The following LSM6 variants were observed in gnomAD, a reference collection of about 807,000 sequenced individuals.
LSM6 encodes U6 snRNA-associated Sm-like protein LSm6.
Under a neutral mutation model 13.5 loss-of-function variants are expected in LSM6, and 2 were observed. The ratio of observed to expected loss-of-function variants is 0.15; its 90% CI spans 0.06 to 0.47. The LOEUF (loss-of-function observed/expected upper bound fraction) is 0.47, where lower values mean the gene tolerates loss of function less well. LSM6 is among the 20% of genes least tolerant of loss of function. The pLI is 0.97. For missense variants in LSM6, 58 were observed against 96.4 expected (o/e 0.60, Z 1.67); for synonymous variants, 43 against 34.9 (o/e 1.23, Z -0.82).
intron 2 of LSM6, among the ~76,000 whole-genome samples, chr4:146,186,391 C>T (rs919631547): frequency 2.0e-5 from 3 of 151,714 alleles, no homozygotes; most frequent in Non-Finnish European, 4.4e-5. Context: ...ACTATAGACT[C>T]GACTGAATTG....
Position 146,182,932 on chromosome 4 carries a change from G to C in LSM6, c.11G>C (p.Arg4Pro). Residue 4 changes from arginine to proline, a missense_variant, in exon 2 of 4, where the codon CGG becomes CCG. By Grantham distance (103) the Arg-to-Pro change is moderately radical. Transcript: ENST00000296581. MSL[R>P]KQTPSDFLKQ... ...TTTAGGATTGTTAAAATGAGTCTTC[G>C]GAAGCAAACCCCTAGTGACTTCTTA... 1 of 1,610,404 alleles carries C rather than the reference G, an allele frequency of 6.2e-7. No individual in the cohort carries two copies. Among genetic ancestry groups the C allele is most frequent in the Non-Finnish European group, 8.5e-7 (1 of 1,176,860 alleles).
chr4:146,188,270 T>C (rs993951778), intron 3 of LSM6, among the ~76,000 whole-genome samples: 2 of 152,180 alleles, frequency 1.3e-5, no homozygotes, highest in Non-Finnish European at 2.9e-5. Context: ...TTATTTGACC[T>C]CCTCTTTTTC....
chr4:146,185,429 A>G (rs1188218677), intron 2 of LSM6, among the ~76,000 whole-genome samples: 4 of 151,354 alleles, frequency 2.6e-5, no homozygotes, highest in African/African-American at 7.3e-5. Flanking sequence ...TTATACTATT[A>G]GATAGCCTTA....
At chr4:146,182,885 A>G in intron 1 of LSM6, 27 bp from the exon 2 acceptor site, 1 of 1,352,490 alleles carries the variant, frequency 7.4e-7, no homozygotes, top group South Asian at 1.2e-5. Context: ...TTTACCTTTT[A>G]TTGTTCCTTT....
At chr4:146,181,891 T>G (rs1232259859) in intron 1 of LSM6, among the ~76,000 whole-genome samples, 1 of 152,214 alleles carries the variant, frequency 6.6e-6, no homozygotes, top group Non-Finnish European at 1.5e-5. Context: ...AAAGGAGTGA[T>G]GTGCAGCTTT....
At chr4:146,177,765 C>G (rs1402967771) in intron 1 of LSM6, among the ~76,000 whole-genome samples, 2 of 152,066 alleles carry the variant, frequency 1.3e-5, no homozygotes, top group Non-Finnish European at 2.9e-5. Context: ...AGCAACATCC[C>G]TGGTCTCTAC....
intron 1 of LSM6, among the ~76,000 whole-genome samples, chr4:146,180,209 C>G (rs1730202916): frequency 6.6e-6 from 1 of 152,198 alleles, no homozygotes; most frequent in African/African-American, 2.4e-5. Context: ...ATAATTCTAT[C>G]AGAATACACA....
chr4:146,183,831 T>G (rs1175581572), intron 2 of LSM6, among the ~76,000 whole-genome samples: 1 of 151,842 alleles, frequency 6.6e-6, no homozygotes, highest in Non-Finnish European at 1.5e-5. Context: ...TCTGAGATTT[T>G]GGTGCACCCG....
chr4:146,180,439 G>A (rs1414297666), intron 1 of LSM6, among the ~76,000 whole-genome samples: 1 of 152,182 alleles, frequency 6.6e-6, no homozygotes, highest in Non-Finnish European at 1.5e-5. Context: ...TCTTTGGTGA[G>A]CTTAGAAGAA....
chr4:146,189,617 T>C lies in LSM6; in HGVS notation c.209-5T>C. Reference sequence around the variant, plus strand: ...ATTTCAATTTATGTATTTTTTTCTTTTCAGTGTTGTACATCAGTACACAGA... The same window carrying C: ...ATTTCAATTTATGTATTTTTTTCTTCTCAGTGTTGTACATCAGTACACAGA... On this transcript the variant is annotated splice_polypyrimidine_tract_variant and splice_region_variant and intron_variant, in intron 3 of 3. Transcript: ENST00000296581. 6.3e-7 allele frequency: 1 copy of C among 1,587,470 alleles called. No homozygotes were observed. Among genetic ancestry groups the C allele is most frequent in the South Asian group, 1.1e-5 (1 of 87,398 alleles).
At position 146,189,877 on chromosome 4, in the gene LSM6, A is replaced by G. The variant is rs570013715; in HGVS notation, c.*221A>G. ...TTTTCTTTTACCTCGTTGTCAGTGT[A>G]CAGAATGCTAAAATAATTAAAAAAA... On this transcript the variant is annotated 3_prime_UTR_variant, in exon 4 of 4. Transcript: ENST00000296581. 20 of 463,124 alleles carry G rather than the reference A, an allele frequency of 4.3e-5. No individual in the cohort carries two copies. The highest frequency in any genetic ancestry group is 6.5e-5 in the Non-Finnish European group (17 of 262,742). 28.7% of individuals were successfully genotyped at this position (463,124 alleles called of 1,614,324 possible).
intron 2 of LSM6, among the ~76,000 whole-genome samples, chr4:146,186,682 A>G (rs1030725926): frequency 3.3e-5 from 5 of 152,224 alleles, no homozygotes; most frequent in South Asian, 2.1e-4. Context: ...ATGTTGCCCT[A>G]TATTCTCAAG....
intron 1 of LSM6, among the ~76,000 whole-genome samples, chr4:146,180,280 G>A (rs1431477051): frequency 6.6e-6 from 1 of 152,186 alleles, no homozygotes; most frequent in Non-Finnish European, 1.5e-5. Context: ...TAAACTCTGA[G>A]GGCTTAAGGC....
At chr4:146,183,370 G>C (rs1048101745) in intron 2 of LSM6, 1 of 211,972 alleles carries the variant, frequency 4.7e-6, no homozygotes, top group African/African-American at 2.3e-5. Flanking sequence ...TTTTGCAGGA[G>C]TATTCAAGAT....
In LSM6 at chr4:146,191,063, G is replaced by A. The variant is rs1018029294; in HGVS notation, c.*1407G>A. 9 of 152,172 alleles carry A rather than the reference G, an allele frequency of 5.9e-5. No homozygotes were observed. Among genetic ancestry groups the A allele is most frequent in the East Asian group, 5.8e-4 (3 of 5,188 alleles). The allele number at this position is 152,172 out of a possible 1,614,324, so 9.4% of individuals were successfully genotyped here. Reference sequence around the variant, plus strand: ...CAGAAGCATTTCACAGGGTTTTACCGTGTGCACACTGAAAATAAAACACTT... The same window carrying A: ...CAGAAGCATTTCACAGGGTTTTACCATGTGCACACTGAAAATAAAACACTT... On this transcript the variant is annotated 3_prime_UTR_variant, in exon 4 of 4. Transcript: ENST00000296581.
rs1730448874 is a variant in LSM6, at chr4:146,190,538, A to G, written c.*882A>G. On this transcript the variant is annotated 3_prime_UTR_variant, in exon 4 of 4. Coordinates refer to ENST00000296581, the MANE Select transcript of LSM6 (RefSeq NM_007080.3). ...AATTTTTCCTAACTCTGGTCTAGCA[A>G]GTGGCTGTAGGGAGGCCTTTCTCAA... is the stretch of plus-strand genomic sequence containing the variant. 6.6e-6 allele frequency: 1 copy of G among 152,276 alleles called. No individual in the cohort carries two copies. Among genetic ancestry groups the G allele is most frequent in the Non-Finnish European group, 1.5e-5 (1 of 68,080 alleles). 9.4% of individuals were successfully genotyped at this position (152,276 alleles called of 1,614,324 possible). A position where few individuals can be genotyped will look rare whatever the true frequency, so the allele number is the denominator to read the frequency against.
At position 146,182,970 on chromosome 4, in the gene LSM6, G is replaced by C; in HGVS notation, c.49G>C (p.Gly17Arg). ...TAGTGACTTCTTAAAGCAAATCATC[G>C]GACGACCAGTTGTGGTAAAATTAAA... ...TPSDFLKQII[G>R]RPVVVKLNSG... Residue 17 changes from glycine (G) to arginine (R), a missense_variant, in exon 2 of 4, where the codon GGA becomes CGA. Gly to Arg is a moderately radical substitution (Grantham distance 125). Around this residue, in one of 3 missense-constraint regions of LSM6, gnomAD observed 28 missense variants for 32.6 expected, o/e 0.86. Coordinates refer to ENST00000296581, the MANE Select transcript of LSM6 (RefSeq NM_007080.3). 1 of 1,613,422 alleles carries C rather than the reference G, an allele frequency of 6.2e-7. No individual in the cohort carries two copies. Among genetic ancestry groups the C allele is most frequent in the Non-Finnish European group, 8.5e-7 (1 of 1,179,532 alleles).
At chr4:146,180,425 G>A (rs939743805) in intron 1 of LSM6, among the ~76,000 whole-genome samples, 2 of 152,188 alleles carry the variant, frequency 1.3e-5, no homozygotes, top group African/African-American at 4.8e-5. Context: ...TGGACAAGGC[G>A]TTATCTTTGG....
chr4:146,178,011 C>T (rs1730148027), intron 1 of LSM6, among the ~76,000 whole-genome samples: 1 of 152,204 alleles, frequency 6.6e-6, no homozygotes, highest in African/African-American at 2.4e-5. Context: ...TTGGAAACAG[C>T]TGGTTCTTGA....
Sources: gnomAD v4.1 joint callset for allele counts (sites outside exome capture counted in the v4.1 genomes callset) on GRCh38, gnomAD v4.1.1 for gene constraint, gnomAD v4.1.1 regional missense constraint, MANE v1.5 for transcripts, NCBI Gene and HGNC (gene_info 2026-07-23, HGNC 2026-07-21) for gene names.